The following SIPA1L2 variants were observed in gnomAD, a reference collection of about 807,000 sequenced individuals.
SIPA1L2 encodes the protein signal-induced proliferation-associated 1-like protein 2.
A neutral mutation model predicts 163.9 loss-of-function variants in SIPA1L2; 56 were observed. That is an observed-to-expected ratio of 0.34 (90% confidence interval 0.28 to 0.43). The LOEUF is 0.43. Ranked by LOEUF, SIPA1L2 falls within the 20% of genes least tolerant of loss-of-function variation. SIPA1L2 has a pLI of 1.00. For missense variants in SIPA1L2, 1,974 were observed against 2,193.5 expected (o/e 0.90, Z 2.00); for synonymous variants, 877 against 865.7 (o/e 1.01, Z -0.23).
intron 10 of SIPA1L2, among the ~76,000 whole-genome samples, chr1:232,456,810 G>T (rs1007536780): frequency 2.0e-5 from 3 of 152,086 alleles, no homozygotes; most frequent in Admixed American, 6.5e-5. Context: ...GTCTGCTTGA[G>T]AAACACCCTG....
intron 9 of SIPA1L2, chr1:232,462,256 G>A (rs1455782793): frequency 6.4e-7 from 1 of 1,550,662 alleles, no homozygotes; most frequent in Admixed American, 2.0e-5. Context: ...CGATGACTAT[G>A]ACCTCACCTA....
In SIPA1L2 at chr1:232,436,436, G is replaced by A. The variant is rs997753630; in HGVS notation, c.4031+2672C>T. 2.6e-5 allele frequency among the ~76,000 whole-genome samples: 4 copies of A among 152,198 alleles called. No individual in the cohort carries two copies. The East Asian group carries it at 5.8e-4, about 22-fold the overall frequency. ...GGGCACGGAGCACTTGGAGGCAGAA[G>A]TGTGGGTTTAGGCAGGATGGTCACC... On this transcript the variant is annotated intron_variant, in intron 15 of 22. Coordinates refer to ENST00000674635, the MANE Select transcript of SIPA1L2 (RefSeq NM_020808.5).
intron 6 of SIPA1L2, among the ~76,000 whole-genome samples, chr1:232,482,111 A>C (rs2102974579): frequency 6.6e-6 from 1 of 152,260 alleles, no homozygotes; most frequent in South Asian, 2.1e-4. Context: ...AACATATCAA[A>C]CTCTAGTTGT....
chr1:232,442,163 C>T (rs1662941107), intron 12 of SIPA1L2, among the ~76,000 whole-genome samples: 1 of 151,760 alleles, frequency 6.6e-6, no homozygotes, highest in African/African-American at 2.4e-5. Flanking sequence ...CAGGATCAAA[C>T]AATGTACCTG....
Position 232,547,002 on chromosome 1 carries a change from G to A in SIPA1L2, c.-270+27172C>T, listed in dbSNP as rs76313183. 9.8e-3 allele frequency among the ~76,000 whole-genome samples: 1,496 copies of A among 152,260 alleles called. 26 individuals carry two copies. Among genetic ancestry groups the A allele is most frequent in the African/African-American group, 0.034 (1,412 of 41,538 alleles). On this transcript the variant is annotated intron_variant, in intron 2 of 22. Transcript: ENST00000674635. ...ACAGAGCACTGGGAAATTGTAGAAT[G>A]TAAATTAGTACCTGCCTGACTATGC... is the stretch of plus-strand genomic sequence containing the variant.
intron 1 of SIPA1L2, among the ~76,000 whole-genome samples, chr1:232,626,808 G>T (rs561177506): frequency 6.6e-6 from 1 of 152,090 alleles, no homozygotes; most frequent in Non-Finnish European, 1.5e-5. Flanking sequence ...TAATGCGTTC[G>T]TCTTAAACCT....
At chr1:232,558,749 T>C (rs1658868204) in intron 2 of SIPA1L2, among the ~76,000 whole-genome samples, 1 of 152,200 alleles carries the variant, frequency 6.6e-6, no homozygotes, top group South Asian at 2.1e-4. Flanking sequence ...TTCGTTTTTA[T>C]GCATGTTTTC....
At chr1:232,525,233 CT>C (rs11389753) in intron 2 of SIPA1L2, among the ~76,000 whole-genome samples, 44 of 102,936 alleles carry the variant, frequency 4.3e-4, no homozygotes, top group African/African-American at 8.1e-4. Context: ...ATAATAATAG[CT>C]TTTTTTTTTT....
chr1:232,570,592 A>G (rs1659666368), intron 2 of SIPA1L2, among the ~76,000 whole-genome samples: 1 of 152,230 alleles, frequency 6.6e-6, no homozygotes, highest in Admixed American at 6.5e-5. Context: ...ATTGTAACCC[A>G]TGTTAAAACA....
At chr1:232,408,140 T>A (rs1660747215) in intron 19 of SIPA1L2, among the ~76,000 whole-genome samples, 1 of 152,282 alleles carries the variant, frequency 6.6e-6, no homozygotes, top group East Asian at 1.9e-4. Context: ...AAGAAGGACA[T>A]GTTTTGCCCT....
At chr1:232,609,729 C>T (rs537496707) in intron 1 of SIPA1L2, among the ~76,000 whole-genome samples, 2 of 151,152 alleles carry the variant, frequency 1.3e-5, no homozygotes, top group East Asian at 3.9e-4. Context: ...ACCTGGGAGG[C>T]TGAGGCAGGA....
intron 19 of SIPA1L2, among the ~76,000 whole-genome samples, chr1:232,412,912 T>C (rs1362108740): frequency 1.3e-5 from 2 of 152,244 alleles, no homozygotes; most frequent in East Asian, 3.9e-4. Context: ...ATTTTATCAA[T>C]GTTAAAGCTC....
chr1:232,561,477 T>G (rs919810080), intron 2 of SIPA1L2: 32 of 152,264 alleles, frequency 2.1e-4, no homozygotes, highest in Middle Eastern at 3.4e-3. Flanking sequence ...ACCTTTTGGG[T>G]TGGAGCTGGA....
intron 6 of SIPA1L2, among the ~76,000 whole-genome samples, chr1:232,480,026 C>T (rs1665245201): frequency 1.3e-5 from 2 of 151,928 alleles, no homozygotes; most frequent in African/African-American, 2.4e-5. Flanking sequence ...CCACTGAAAG[C>T]GAAGTGTTTT....
chr1:232,556,927 G>A (rs775382313), intron 2 of SIPA1L2, among the ~76,000 whole-genome samples: 7 of 152,258 alleles, frequency 4.6e-5, no homozygotes, highest in African/African-American at 7.2e-5. Flanking sequence ...GAGGCAATCC[G>A]TTGGACCAGG....
intron 2 of SIPA1L2, among the ~76,000 whole-genome samples, chr1:232,530,046 C>A (rs1667897813): frequency 6.6e-6 from 1 of 152,144 alleles, no homozygotes; most frequent in South Asian, 2.1e-4. Context: ...GGTGAACCAA[C>A]CTGTTTCTCC....
intron 2 of SIPA1L2, among the ~76,000 whole-genome samples, chr1:232,541,241 ATAACAT>A (rs774618017): frequency 2.1e-5 from 3 of 146,046 alleles, no homozygotes; most frequent in Non-Finnish European, 3.0e-5. Flanking sequence ...ATCACATAAC[ATAACAT>A]TAACATAACA....
chr1:232,564,166 GT>G (rs1659240279), intron 2 of SIPA1L2, among the ~76,000 whole-genome samples: 1 of 102,958 alleles, frequency 9.7e-6, no homozygotes, highest in African/African-American at 5.0e-5. Flanking sequence ...GTGTGTGTGT[GT>G]GTGTGTGTGT....
intron 2 of SIPA1L2, among the ~76,000 whole-genome samples, chr1:232,572,327 C>T (rs989552847): frequency 2.0e-5 from 3 of 152,156 alleles, no homozygotes; most frequent in African/African-American, 7.2e-5. Flanking sequence ...TTTCCTTAAA[C>T]CTAGGTGGGA....
Sources: allele counts gnomAD v4.1 joint callset (sites outside exome capture counted in the v4.1 genomes callset), GRCh38; gene constraint gnomAD v4.1.1; transcripts MANE v1.5; gene names NCBI Gene and HGNC (gene_info 2026-07-23, HGNC 2026-07-21).